Variants in MCTP2 observed in about 807,000 individuals in gnomAD.
MCTP2 encodes the protein multiple C2 and transmembrane domain containing 2, also known as multiple C2 and transmembrane domain-containing protein 2.
In MCTP2, 132 loss-of-function variants were observed where a neutral mutation model predicts 111.6. That is an observed-to-expected ratio of 1.18 (90% CI 1.03 to 1.37). The LOEUF (loss-of-function observed/expected upper bound fraction) is 1.37. Ranked by LOEUF, MCTP2 falls within the 40% of genes most tolerant of loss-of-function variation. The pLI is 0.00. For synonymous variants in MCTP2, 395 were observed against 387.7 expected, an observed-to-expected ratio of 1.02 and a Z score of -0.22; for missense variants, 1,183 against 1,067.9, an observed-to-expected ratio of 1.11 and a Z score of -1.50.
In MCTP2 at chr15:94,464,268, TA is replaced by T. The variant is rs1338426510; in HGVS notation, c.2360+6023del. On this transcript the variant is annotated intron_variant, in intron 20 of 22. Transcript: ENST00000357742. Reference sequence around the variant, plus strand: ...TATATATATATATATTATATATATATATATATATATAAACGTCAGCCATTCT... The same window carrying T: ...TATATATATATATATTATATATATATTATATATATAAACGTCAGCCATTCT... Among the ~76,000 whole-genome samples, 4 of 64,828 alleles carry T rather than the reference TA, an allele frequency of 6.2e-5. 1 individual carries two copies. Among genetic ancestry groups the T allele is most frequent in the Admixed American group, 1.5e-4 (1 of 6,466 alleles). 42.5% of individuals were successfully genotyped at this position (64,828 alleles called of 152,430 possible).
intron 16 of MCTP2, among the ~76,000 whole-genome samples, chr15:94,400,465 G>A (rs545084014): frequency 8.0e-4 from 122 of 152,184 alleles, no homozygotes; most frequent in Admixed American, 1.2e-3. Flanking sequence ...CCACTTCGGC[G>A]TGGTCTAAAT....
chr15:94,277,471 A>G (rs767415738), intron 1 of MCTP2, among the ~76,000 whole-genome samples: 19 of 152,186 alleles, frequency 1.2e-4, no homozygotes, highest in Non-Finnish European at 2.1e-4. Context: ...CATCTAGACA[A>G]TAGAATATTA....
chr15:94,390,109 T>TATGC (rs2080854764), intron 14 of MCTP2, among the ~76,000 whole-genome samples: 1 of 38,850 alleles, frequency 2.6e-5, no homozygotes, highest in African/African-American at 6.1e-5. Flanking sequence ...TATATATATA[T>TATGC]ATATGTATAT....
At chr15:94,414,709 C>T (rs2082299048) in intron 17 of MCTP2, among the ~76,000 whole-genome samples, 1 of 152,080 alleles carries the variant, frequency 6.6e-6, no homozygotes, top group Non-Finnish European at 1.5e-5. Context: ...TTGTTTATCA[C>T]TCATGGTATT....
chr15:94,270,775 A>G lies in MCTP2; in HGVS notation c.-65-27426A>G, dbSNP rs533682460. ...GGGGTGTTTTCCTGATGCATGATAG[A>G]AAAATAGATGCTTGGCTGTCCACAG... On this transcript the variant is annotated intron_variant, in intron 1 of 22. Transcript: ENST00000357742. Among the ~76,000 whole-genome samples, 59 of 152,336 alleles carry G rather than the reference A, an allele frequency of 3.9e-4. 1 individual carries two copies. In the South Asian group the frequency reaches 5.8e-3, roughly 15 times the overall value.
At chr15:94,271,122 A>G (rs1229830039) in intron 1 of MCTP2, among the ~76,000 whole-genome samples, 1 of 152,224 alleles carries the variant, frequency 6.6e-6, no homozygotes, top group African/African-American at 2.4e-5. Context: ...GTGTGTATGT[A>G]TGTGAGACGA....
intron 17 of MCTP2, among the ~76,000 whole-genome samples, chr15:94,435,367 G>A (rs1039373815): frequency 1.3e-5 from 2 of 151,898 alleles, no homozygotes; most frequent in South Asian, 2.1e-4. Flanking sequence ...AGGATATCTT[G>A]CTCATGTTTT....
In MCTP2 at chr15:94,257,389, G is replaced by A. The variant is rs149689860; in HGVS notation, c.-66+25725G>A. Among the ~76,000 whole-genome samples the A allele has an allele frequency of 6.4e-3, 973 of 152,012 alleles. 4 individuals are homozygous for A. The highest frequency in any genetic ancestry group is 8.5e-3 in the Non-Finnish European group (578 of 67,960). ...GCAGATTCCTAGCATCCATTGAAAG[G>A]AGGAATTTTGAGGGTAGATGCTAGA... On this transcript the variant is annotated intron_variant, in intron 1 of 22. Coordinates refer to ENST00000357742, the MANE Select transcript of MCTP2 (RefSeq NM_001385001.1).
At chr15:94,313,041 G>A (rs1038182683) in intron 2 of MCTP2, among the ~76,000 whole-genome samples, 2 of 152,148 alleles carry the variant, frequency 1.3e-5, no homozygotes, top group East Asian at 3.8e-4. Context: ...CCTAAGCATT[G>A]TCTCCGGGGC....
chr15:94,479,233 T>C lies in MCTP2; in HGVS notation c.*199T>C, dbSNP rs2074606938. On this transcript the variant is annotated 3_prime_UTR_variant, in exon 23 of 23. Coordinates refer to ENST00000357742, the MANE Select transcript of MCTP2 (RefSeq NM_001385001.1). ...CTCATGCATGGGTGTCCTAGTTGCG[T>C]AGAGGGTCAGCCCAGCGAAAAGCAA... 1 of 605,822 alleles carries C rather than the reference T, an allele frequency of 1.7e-6. No homozygotes were observed. The highest frequency in any genetic ancestry group is 3.0e-6 in the Non-Finnish European group (1 of 334,436). 37.5% of individuals were successfully genotyped at this position (605,822 alleles called of 1,614,324 possible). A position where few individuals can be genotyped will look rare whatever the true frequency, so the allele number is the denominator to read the frequency against.
At chr15:94,474,788 C>A (rs1300247265) in intron 21 of MCTP2, among the ~76,000 whole-genome samples, 1 of 152,072 alleles carries the variant, frequency 6.6e-6, no homozygotes, top group African/African-American at 2.4e-5. Context: ...AACTTTTGAT[C>A]CTGGACACCT....
chr15:94,301,082 C>T (rs2075586721), intron 2 of MCTP2, among the ~76,000 whole-genome samples: 2 of 152,108 alleles, frequency 1.3e-5, no homozygotes, highest in Non-Finnish European at 2.9e-5. Flanking sequence ...TTTGGTTTTT[C>T]CCTTTTAACG....
At chr15:94,361,891 A>G (rs2078961493) in intron 10 of MCTP2, among the ~76,000 whole-genome samples, 1 of 152,170 alleles carries the variant, frequency 6.6e-6, no homozygotes, top group Non-Finnish European at 1.5e-5. Flanking sequence ...GAGAAATCAC[A>G]TTGGCATGGG....
chr15:94,402,707 G>T, intron 17 of MCTP2: 2 of 1,450,730 alleles, frequency 1.4e-6, no homozygotes, highest in African/African-American at 1.4e-5. Flanking sequence ...TTTGTAAAGG[G>T]ACTTGTCCTT....
At chr15:94,455,191 A>G (rs2084742686) in intron 19 of MCTP2, among the ~76,000 whole-genome samples, 1 of 152,232 alleles carries the variant, frequency 6.6e-6, no homozygotes, top group South Asian at 2.1e-4. Flanking sequence ...CTGACCATTA[A>G]TGGAAAGAAA....
intron 14 of MCTP2, among the ~76,000 whole-genome samples, chr15:94,387,501 C>A (rs2080579956): frequency 6.6e-6 from 1 of 152,178 alleles, no homozygotes; most frequent in Non-Finnish European, 1.5e-5. Flanking sequence ...CAGGAATGAC[C>A]TGGCTTAAAT....
chr15:94,311,690 T>TA (rs2076150211), intron 2 of MCTP2, among the ~76,000 whole-genome samples: 1 of 152,222 alleles, frequency 6.6e-6, no homozygotes, highest in Non-Finnish European at 1.5e-5. Context: ...TTTCTGTGAG[T>TA]AAAACCAGCC....
rs569177509 is a variant in MCTP2 at position 94,260,166 on chromosome 15, A to G, written c.-66+28502A>G. Among the ~76,000 whole-genome samples the G allele has an allele frequency of 2.0e-4, 31 of 152,138 alleles. 1 individual carries two copies. The South Asian group carries it at 6.4e-3, about 32-fold the overall frequency. On this transcript the variant is annotated intron_variant, in intron 1 of 22. Transcript: ENST00000357742. ...GGAACCTTGAGTGCCTTTCCTGGGG[A>G]TTCTGGCCACGGAAACTTCTCCTGT... is the stretch of plus-strand genomic sequence containing the variant.
chr15:94,263,043 T>G (rs778919041), intron 1 of MCTP2, among the ~76,000 whole-genome samples: 2 of 152,140 alleles, frequency 1.3e-5, no homozygotes, highest in Non-Finnish European at 2.9e-5. Flanking sequence ...TTTGAACAGA[T>G]CACTGCTCTG....
Sources: allele counts gnomAD v4.1 joint callset (sites outside exome capture counted in the v4.1 genomes callset), GRCh38; gene constraint gnomAD v4.1.1; transcripts MANE v1.5; gene names NCBI Gene and HGNC (gene_info 2026-07-23, HGNC 2026-07-21).